Variants in KIDINS220 observed in about 807,000 individuals in gnomAD.
KIDINS220 encodes the protein kinase D interacting substrate 220, also known as kinase D-interacting substrate of 220 kDa.
Under a neutral mutation model 157.6 loss-of-function variants are expected in KIDINS220, and 63 were observed. The observed-to-expected ratio is 0.40, with a 90% CI of 0.33 to 0.49. The LOEUF (loss-of-function observed/expected upper bound fraction) is 0.49. KIDINS220 is among the 20% of genes least tolerant of loss of function. KIDINS220 has a pLI of 0.66. For missense variants in KIDINS220, 1,772 were observed against 2,171.2 expected (o/e 0.82, Z 3.65); for synonymous variants, 732 against 783.6 (o/e 0.93, Z 1.10).
At chr2:8,800,314 G>A in intron 9 of KIDINS220, 86 bp downstream of exon 9, 1 of 775,126 alleles carries the variant, frequency 1.3e-6, no homozygotes, top group Non-Finnish European at 2.0e-6. Context: ...ATCTCCATAG[G>A]AAAGTGGGAA....
At chr2:8,808,349 T>C (rs115985790) in intron 6 of KIDINS220, among the ~76,000 whole-genome samples, 302 of 152,312 alleles carry the variant, frequency 2.0e-3, no homozygotes, top group South Asian at 4.8e-3. Context: ...TTTAAAAATA[T>C]ACTTATTGTA....
In KIDINS220 at chr2:8,813,228, A is replaced by T; in HGVS notation, c.405+9T>A. 1 of 1,594,666 alleles carries T rather than the reference A, an allele frequency of 6.3e-7. No individual in the cohort carries two copies. Among genetic ancestry groups the T allele is most frequent in the African/African-American group, 1.4e-5 (1 of 73,880 alleles). On this transcript the variant is annotated intron_variant, in intron 5 of 29. Transcript: ENST00000256707. ...TATAATACAAACAAATTTTTTTGTTAATGCTTACCAGACCAGTGACACTTG... is the reference window on the plus strand; with the variant it reads ...TATAATACAAACAAATTTTTTTGTTTATGCTTACCAGACCAGTGACACTTG...
intron 15 of KIDINS220, among the ~76,000 whole-genome samples, 165 bp downstream of exon 15, chr2:8,788,482 T>C (rs1485227691): frequency 6.6e-6 from 1 of 152,208 alleles, no homozygotes; most frequent in Admixed American, 6.5e-5. Context: ...TTGGCCAGGC[T>C]GGTCTCGAAC....
In KIDINS220 at chr2:8,736,241, C is replaced by T. The variant is rs535881582; in HGVS notation, c.3717+627G>A. Reference sequence around the variant, plus strand: ...ATAAAAAGTATACCTTAGTGAAATACCTACTATAAAGACTTCGTTAAAACC... The same window carrying T: ...ATAAAAAGTATACCTTAGTGAAATATCTACTATAAAGACTTCGTTAAAACC... On this transcript the variant is annotated intron_variant, in intron 27 of 29. Transcript: ENST00000256707. 6.7e-4 allele frequency among the ~76,000 whole-genome samples: 102 copies of T among 152,234 alleles called. 2 individuals carry two copies. Among genetic ancestry groups the T allele is most frequent in the African/African-American group, 2.4e-3 (99 of 41,538 alleles).
intron 21 of KIDINS220, among the ~76,000 whole-genome samples, chr2:8,772,589 C>T (rs1396885296): frequency 2.0e-5 from 3 of 151,852 alleles, no homozygotes; most frequent in Admixed American, 6.6e-5. Flanking sequence ...TATATCTAGC[C>T]TATAATTAGC....
chr2:8,732,357 T>G (rs1328785159), intron 29 of KIDINS220, among the ~76,000 whole-genome samples: 2 of 152,212 alleles, frequency 1.3e-5, no homozygotes, highest in East Asian at 1.9e-4. Flanking sequence ...CTCAGCCTCC[T>G]GAGCAGCTGG....
chr2:8,786,026 T>C lies in KIDINS220; in HGVS notation c.1944A>G (p.Lys648=). Residue 648 remains lysine (K), a synonymous_variant, in exon 17 of 30, where the codon AAA becomes AAG. Coordinates refer to ENST00000256707, the MANE Select transcript of KIDINS220 (RefSeq NM_020738.4). ...GACAACATGTTTTTTTCCATTTCTT[T>C]TTACCTGTAATGCAACAAATGGTTT... The part of the protein sequence containing the change: ...RVFKTEDTQG[K]KKWKKTCCLP... 6.2e-7 allele frequency: 1 copy of C among 1,603,572 alleles called. No homozygotes were observed. Among genetic ancestry groups the C allele is most frequent in the African/African-American group, 1.3e-5 (1 of 74,452 alleles).
At chr2:8,778,840 TAAAG>T in intron 19 of KIDINS220, 52 bp downstream of exon 19, 1 of 1,605,138 alleles carries the variant, frequency 6.2e-7, no homozygotes, top group Non-Finnish European at 8.5e-7. Flanking sequence ...AGAGTCGCCA[TAAAG>T]AAACTACAAA....
At chr2:8,769,970 C>T (rs1669961842) in intron 22 of KIDINS220, among the ~76,000 whole-genome samples, 1 of 152,112 alleles carries the variant, frequency 6.6e-6, no homozygotes, top group African/African-American at 2.4e-5. Flanking sequence ...ACAACAACAT[C>T]TATAATTCTA....
chr2:8,802,622 G>A (rs1390743017), intron 8 of KIDINS220, among the ~76,000 whole-genome samples: 1 of 152,166 alleles, frequency 6.6e-6, no homozygotes, highest in East Asian at 1.9e-4. Context: ...TCAGGTAGAG[G>A]TGGATCAGTA....
chr2:8,731,650 T>C lies in KIDINS220; in HGVS notation c.4386A>G (p.Ser1462=). Residue 1462 remains serine, a synonymous_variant, in exon 30 of 30, where the codon TCA becomes TCG. Coordinates refer to ENST00000256707, the MANE Select transcript of KIDINS220 (RefSeq NM_020738.4). The surrounding 1 kb of genome is among the most constrained non-coding windows in gnomAD (Gnocchi z 5.2). ...MKRGDVIDYS[S]SGVSTNDASP... The stretch of plus-strand genomic sequence containing the variant: ...AAGCATCGTTGGTGGAAACCCCTGA[T>C]GATGAATAATCGATAACATCTCCCC... 1.9e-6 allele frequency: 3 copies of C among 1,614,194 alleles called. No homozygotes were observed. The highest frequency in any genetic ancestry group is 1.7e-6 in the Non-Finnish European group (2 of 1,180,036).
At chr2:8,766,173 G>A (rs1669459808) in intron 22 of KIDINS220, among the ~76,000 whole-genome samples, 1 of 148,536 alleles carries the variant, frequency 6.7e-6, no homozygotes, top group African/African-American at 2.4e-5. Context: ...AACCCCACTG[G>A]TGACCCGACC....
At chr2:8,747,686 T>C (rs937781670) in intron 25 of KIDINS220, 2 of 406,892 alleles carry the variant, frequency 4.9e-6, no homozygotes, top group South Asian at 1.1e-4. Context: ...ATTTCTTCGC[T>C]GAGACTGCTA....
At chr2:8,725,720 C>A (rs980659115), downstream of KIDINS220, 1 of 152,132 alleles carries the variant, frequency 6.6e-6, no homozygotes, top group African/African-American at 2.4e-5. Flanking sequence ...AGAAAATGAT[C>A]ATGGATAATC....
intron 28 of KIDINS220, 93 bp downstream of exon 28, chr2:8,734,562 C>T: frequency 2.3e-6 from 2 of 874,314 alleles, no homozygotes; most frequent in Non-Finnish European, 3.6e-6. Context: ...TAGGCCAGTA[C>T]TTATTGATAC....
At chr2:8,741,207 T>G (rs1665573972) in intron 26 of KIDINS220, among the ~76,000 whole-genome samples, 1 of 152,196 alleles carries the variant, frequency 6.6e-6, no homozygotes. Flanking sequence ...TCAAGCTACT[T>G]AAGAAATACT....
At chr2:8,727,594 T>C (rs1663454478), downstream of KIDINS220, among the ~76,000 whole-genome samples, 1 of 152,222 alleles carries the variant, frequency 6.6e-6, no homozygotes, top group African/African-American at 2.4e-5. Context: ...TTCTAATGGT[T>C]AGTATTTGTA....
At chr2:8,784,156 G>A (rs546114309) in intron 17 of KIDINS220, among the ~76,000 whole-genome samples, 27 of 150,356 alleles carry the variant, frequency 1.8e-4, no homozygotes, top group Non-Finnish European at 3.0e-4. Flanking sequence ...AAGAAATAGC[G>A]TTTTTAACAA....
intron 22 of KIDINS220, among the ~76,000 whole-genome samples, chr2:8,754,995 C>A (rs183605976): frequency 3.9e-5 from 6 of 152,280 alleles, no homozygotes; most frequent in Admixed American, 2.6e-4. Context: ...TACTTTCTAC[C>A]AGTGAATGTC....
Sources: allele counts gnomAD v4.1 joint callset (sites outside exome capture counted in the v4.1 genomes callset), GRCh38; gene constraint gnomAD v4.1.1; non-coding constraint Gnocchi (gnomAD v3.1); transcripts MANE v1.5; gene names NCBI Gene and HGNC (gene_info 2026-07-23, HGNC 2026-07-21).